The following BLVRA variants were observed in gnomAD, a reference collection of about 807,000 sequenced individuals.
The protein encoded by BLVRA is biliverdin reductase A, also known as BVR A.
Under a neutral mutation model 32.8 loss-of-function variants are expected in BLVRA, and 22 were observed. That is an observed-to-expected ratio of 0.67 (90% CI 0.48 to 0.96). The LOEUF (loss-of-function observed/expected upper bound fraction) is 0.96. Ranked by LOEUF, BLVRA falls within the 40% of genes least tolerant of loss-of-function variation. The probability of loss-of-function intolerance (pLI) is 0.00; values close to 1 mark genes in which losing one functional copy is unlikely to be tolerated. For missense variants in BLVRA, 323 were observed against 358.1 expected, an observed-to-expected ratio of 0.90 and a Z score of 0.79; for synonymous variants, 119 against 141.3, an observed-to-expected ratio of 0.84 and a Z score of 1.12.
intron 1 of BLVRA, among the ~76,000 whole-genome samples, chr7:43,770,334 A>G (rs2132550336): frequency 6.6e-6 from 1 of 152,214 alleles, no homozygotes; most frequent in Non-Finnish European, 1.5e-5. Context: ...ATTAATCTTT[A>G]CAGGCCTCTG....
chr7:43,803,024 A>G (rs2095800443), intron 6 of BLVRA, among the ~76,000 whole-genome samples: 1 of 152,186 alleles, frequency 6.6e-6, no homozygotes. Context: ...GTGAGCCACC[A>G]CGCCTGGCCC....
intron 1 of BLVRA, among the ~76,000 whole-genome samples, chr7:43,766,030 G>A (rs369764348): frequency 6.6e-6 from 1 of 152,234 alleles, no homozygotes; most frequent in East Asian, 1.9e-4. Context: ...GCTCATGCCT[G>A]TAATCCCAGC....
At chr7:43,778,747 G>GC (rs1473221806) in intron 2 of BLVRA, among the ~76,000 whole-genome samples, 4 of 152,228 alleles carry the variant, frequency 2.6e-5, no homozygotes, top group African/African-American at 9.6e-5. Flanking sequence ...TCTGTGCCCT[G>GC]CCCCCAGAGG....
chr7:43,781,711 A>G (rs1041671183), intron 2 of BLVRA, among the ~76,000 whole-genome samples: 4 of 152,252 alleles, frequency 2.6e-5, no homozygotes, highest in Non-Finnish European at 4.4e-5. Flanking sequence ...TGTATGTTAA[A>G]GATATATAGT....
intron 2 of BLVRA, among the ~76,000 whole-genome samples, chr7:43,773,714 A>T (rs2095757242): frequency 6.6e-6 from 1 of 152,214 alleles, no homozygotes. Context: ...GAATCGCCAC[A>T]CTGACTTCCA....
chr7:43,805,710 A>G (rs1563554251), intron 7 of BLVRA, among the ~76,000 whole-genome samples: 1 of 151,990 alleles, frequency 6.6e-6, no homozygotes, highest in South Asian at 2.1e-4. Context: ...GCATTTTTAA[A>G]TTTTTTTATC....
intron 1 of BLVRA, chr7:43,759,941 C>G (rs2095740378): frequency 6.7e-6 from 1 of 149,744 alleles, no homozygotes; most frequent in South Asian, 2.1e-4. Context: ...TATACTTCAA[C>G]TTTTTTAGGA....
chr7:43,787,825 T>C lies in BLVRA; in HGVS notation c.13-79T>C. 6.2e-7 allele frequency: 1 copy of C among 1,611,160 alleles called. No homozygotes were observed. Among genetic ancestry groups the C allele is most frequent in the Non-Finnish European group, 8.5e-7 (1 of 1,177,420 alleles). ...GCTTCCATCTTGCTCGTCGGGACCC[T>C]GCCAGCTCCTTTGTTTTGTAGTTTT... On this transcript the variant is annotated intron_variant, in intron 2 of 7. Coordinates refer to ENST00000265523, the MANE Select transcript of BLVRA (RefSeq NM_000712.4). The surrounding 1 kb of genome is among the most constrained non-coding windows in gnomAD (Gnocchi z 4.5).
At chr7:43,801,810 G>C (rs2877262) in intron 6 of BLVRA, among the ~76,000 whole-genome samples, 67,195 of 151,810 alleles carry the variant, frequency 0.44, 15,443 homozygotes, top group African/African-American at 0.58. Context: ...TAAGTGGCTG[G>C]AACTGTTGTG....
intron 3 of BLVRA, among the ~76,000 whole-genome samples, chr7:43,789,673 G>A (rs1356114109): frequency 7.2e-6 from 1 of 138,986 alleles, no homozygotes; most frequent in Non-Finnish European, 1.6e-5. Context: ...ATGGGAGGAT[G>A]GCCAGGTCAC....
At chr7:43,764,775 C>A (rs556303342) in intron 1 of BLVRA, among the ~76,000 whole-genome samples, 2 of 150,070 alleles carry the variant, frequency 1.3e-5, no homozygotes, top group East Asian at 3.9e-4. Context: ...CCCCACCCCC[C>A]GCAAAAAAAA....
rs2095786922 is a variant in BLVRA at position 43,792,211 on chromosome 7, A to G, written c.255-504A>G. ...CACACTGAAGTTTGCCGATTGAACA[A>G]AGCCCCACAAATGCCCAAGCCCCTG... On this transcript the variant is annotated intron_variant, in intron 4 of 7. Transcript: ENST00000265523. Among the ~76,000 whole-genome samples the G allele has an allele frequency of 2.0e-5, 3 of 152,128 alleles. No homozygotes were observed. In the South Asian group the frequency reaches 6.2e-4, roughly 32 times the overall value.
intron 7 of BLVRA, among the ~76,000 whole-genome samples, chr7:43,804,316 C>T (rs1039254809): frequency 2.6e-5 from 4 of 152,162 alleles, no homozygotes; most frequent in African/African-American, 7.2e-5. Flanking sequence ...CGGTGCATGC[C>T]TGCAGTCCCA....
At chr7:43,783,980 T>G (rs1171694331) in intron 2 of BLVRA, among the ~76,000 whole-genome samples, 4 of 149,854 alleles carry the variant, frequency 2.7e-5, no homozygotes, top group Admixed American at 2.0e-4. Flanking sequence ...TTTTCTAAGT[T>G]GGCAGAGCAC....
chr7:43,776,073 G>C (rs1003773283), intron 2 of BLVRA, among the ~76,000 whole-genome samples: 4 of 151,936 alleles, frequency 2.6e-5, no homozygotes, highest in Admixed American at 2.0e-4. Context: ...CAATTTTGTT[G>C]ATCTTTTCAA....
chr7:43,788,965 A>C (rs2095781962), intron 3 of BLVRA, among the ~76,000 whole-genome samples: 1 of 151,780 alleles, frequency 6.6e-6, no homozygotes, highest in East Asian at 1.9e-4. Flanking sequence ...GGATTCATTT[A>C]TCTCCAGTCA....
chr7:43,792,772 G>T lies in BLVRA; in HGVS notation c.312G>T (p.Leu104Phe). 1 of 1,614,186 alleles carries T rather than the reference G, an allele frequency of 6.2e-7. No homozygotes were observed. Among genetic ancestry groups the T allele is most frequent in the Non-Finnish European group, 8.5e-7 (1 of 1,180,028 alleles). Residue 104 changes from leucine to phenylalanine, a missense_variant, in exon 5 of 8, where the codon TTG becomes TTT. Coordinates refer to ENST00000265523, the MANE Select transcript of BLVRA (RefSeq NM_000712.4). ...VLVEYPMTLSLAAAQELWELA... is the reference protein window; with the variant it reads ...VLVEYPMTLSFAAAQELWELA... ...TGGAATACCCCATGACACTGTCATT[G>T]GCGGCCGCTCAGGAACTGTGGGAGC...
chr7:43,768,336 C>G (rs1244219188), intron 1 of BLVRA, among the ~76,000 whole-genome samples: 3 of 152,080 alleles, frequency 2.0e-5, no homozygotes, highest in Admixed American at 6.6e-5. Flanking sequence ...GACTGGACAC[C>G]AGGTCTCCTG....
chr7:43,779,662 T>G (rs1007401655), intron 2 of BLVRA, among the ~76,000 whole-genome samples: 1 of 152,188 alleles, frequency 6.6e-6, no homozygotes, highest in Non-Finnish European at 1.5e-5. Flanking sequence ...ACCCTGTGGC[T>G]TGCTCTAATT....
Sources: gnomAD v4.1 joint callset for allele counts (sites outside exome capture counted in the v4.1 genomes callset) on GRCh38, gnomAD v4.1.1 for gene constraint, Gnocchi (gnomAD v3.1) non-coding constraint, MANE v1.5 for transcripts, NCBI Gene and HGNC (gene_info 2026-07-23, HGNC 2026-07-21) for gene names.